Variants in CNTNAP2 observed in about 807,000 individuals in gnomAD.
CNTNAP2 encodes the protein contactin associated protein 2.
A neutral mutation model predicts 155.2 loss-of-function variants in CNTNAP2; 98 were observed. The observed-to-expected ratio is 0.63, with a 90% CI of 0.54 to 0.75. The LOEUF (loss-of-function observed/expected upper bound fraction) is 0.75. Ranked by LOEUF, CNTNAP2 falls within the 30% of genes least tolerant of loss-of-function variation. CNTNAP2 has a pLI of 0.00. For missense variants in CNTNAP2, 1,727 were observed against 1,688.1 expected, an observed-to-expected ratio of 1.02 and a Z score of -0.40; for synonymous variants, 651 against 631.2, an observed-to-expected ratio of 1.03 and a Z score of -0.47.
chr7:146,905,911 C>T (rs1796112320), intron 3 of CNTNAP2, among the ~76,000 whole-genome samples: 1 of 152,178 alleles, frequency 6.6e-6, no homozygotes, highest in African/African-American at 2.4e-5. Flanking sequence ...TAGGGAGTGC[C>T]AGACAGTGGG....
intron 12 of CNTNAP2, among the ~76,000 whole-genome samples, chr7:147,609,774 G>A (rs895182270): frequency 5.9e-5 from 9 of 152,084 alleles, no homozygotes; most frequent in Non-Finnish European, 1.3e-4. Context: ...CCTACAGGAG[G>A]ACATCACTGG....
intron 1 of CNTNAP2, among the ~76,000 whole-genome samples, chr7:146,438,792 T>C (rs1296879876): frequency 6.6e-6 from 1 of 151,554 alleles, no homozygotes; most frequent in African/African-American, 2.4e-5. Context: ...TGAGCTTTGG[T>C]TGATATCTCA....
At chr7:147,895,645 C>T (rs1419844008) in intron 13 of CNTNAP2, among the ~76,000 whole-genome samples, 1 of 152,054 alleles carries the variant, frequency 6.6e-6, no homozygotes, top group Admixed American at 6.5e-5. Flanking sequence ...ACTTTTTGCC[C>T]TTGTCTTTTA....
intron 1 of CNTNAP2, among the ~76,000 whole-genome samples, chr7:146,660,817 G>A (rs939828599): frequency 4.6e-5 from 7 of 152,050 alleles, no homozygotes; most frequent in Non-Finnish European, 8.8e-5. Flanking sequence ...AATAAGAATC[G>A]TTAACTTCAC....
chr7:146,939,174 A>G lies in CNTNAP2; in HGVS notation c.402+99270A>G, dbSNP rs555628508. Among the ~76,000 whole-genome samples, 6 of 152,174 alleles carry G rather than the reference A, an allele frequency of 3.9e-5. No homozygotes were observed. In the East Asian group the frequency reaches 9.7e-4, roughly 25 times the overall value. On this transcript the variant is annotated intron_variant, in intron 3 of 23. Coordinates refer to ENST00000361727, the MANE Select transcript of CNTNAP2 (RefSeq NM_014141.6). ...TCTACCCCCAAATGAGAAAAAATGC[A>G]TTTTTTCTTCTACTAGTAGCTCTAA...
chr7:148,096,513 T>C (rs977964238), intron 15 of CNTNAP2, among the ~76,000 whole-genome samples: 2 of 152,102 alleles, frequency 1.3e-5, no homozygotes, highest in African/African-American at 4.8e-5. Context: ...GAATCCCTTA[T>C]TAAAATAATT....
rs377253427 is a variant in CNTNAP2 at position 148,097,869 on chromosome 7, G to A, written c.2384-20249G>A. Among the ~76,000 whole-genome samples the A allele has an allele frequency of 3.2e-4, 49 of 152,194 alleles. 2 individuals carry two copies. In the South Asian group the frequency reaches 1.0e-2, roughly 31 times the overall value. On this transcript the variant is annotated intron_variant, in intron 15 of 23. Transcript: ENST00000361727. ...AAAAACAGAGCAAAGAACAAAATAG[G>A]CAAAGTGATTGTATATATCACTTTT...
intron 10 of CNTNAP2, among the ~76,000 whole-genome samples, chr7:147,460,526 T>C (rs564443229): frequency 6.6e-6 from 1 of 152,182 alleles, no homozygotes; most frequent in Non-Finnish European, 1.5e-5. Context: ...ATTGGTTTTG[T>C]TTTACCATCT....
intron 1 of CNTNAP2, among the ~76,000 whole-genome samples, chr7:146,491,631 G>A (rs1454593279): frequency 6.6e-6 from 1 of 152,066 alleles, no homozygotes; most frequent in Non-Finnish European, 1.5e-5. Flanking sequence ...TTTTTAGAGA[G>A]GATGCCAGGC....
chr7:148,396,419 CA>C, intron 22 of CNTNAP2, among the ~76,000 whole-genome samples: 1 of 152,180 alleles, frequency 6.6e-6, no homozygotes, highest in East Asian at 1.9e-4. Flanking sequence ...CAGAGGAGCA[CA>C]ACACCCTCTA....
intron 21 of CNTNAP2, among the ~76,000 whole-genome samples, chr7:148,286,598 TA>T (rs11424873): frequency 0.012 from 1,798 of 152,012 alleles, 27 homozygotes; most frequent in South Asian, 0.02. Flanking sequence ...TAAAACACGT[TA>T]AAAAAAATCT....
chr7:147,554,817 T>C (rs2116772343), intron 11 of CNTNAP2, among the ~76,000 whole-genome samples: 1 of 152,140 alleles, frequency 6.6e-6, no homozygotes, highest in South Asian at 2.1e-4. Flanking sequence ...GGAAATAATG[T>C]AGTTTACTCA....
chr7:147,903,407 C>T (rs1585019884), intron 13 of CNTNAP2, among the ~76,000 whole-genome samples, 158 bp from the exon 14 acceptor site: 1 of 152,162 alleles, frequency 6.6e-6, no homozygotes, highest in East Asian at 1.9e-4. Context: ...AAGATTTTCT[C>T]CCACTCTGTG....
At chr7:148,382,030 A>T (rs1021147374) in intron 21 of CNTNAP2, among the ~76,000 whole-genome samples, 11 of 152,260 alleles carry the variant, frequency 7.2e-5, no homozygotes, top group Admixed American at 2.0e-4. Flanking sequence ...AAGAAACAAC[A>T]GTTGAAACAC....
chr7:147,924,852 G>A (rs746585492), intron 14 of CNTNAP2, among the ~76,000 whole-genome samples: 17 of 151,888 alleles, frequency 1.1e-4, no homozygotes, highest in South Asian at 2.1e-4. Context: ...GTGTGGTGGC[G>A]CACACCTGTA....
At chr7:147,288,168 G>A (rs569697399) in intron 8 of CNTNAP2, among the ~76,000 whole-genome samples, 109 of 152,180 alleles carry the variant, frequency 7.2e-4, no homozygotes, top group Admixed American at 3.0e-3. Flanking sequence ...CCTCCTCAGA[G>A]CATTACCCTT....
intron 1 of CNTNAP2, among the ~76,000 whole-genome samples, chr7:146,151,919 T>A (rs2116778761): frequency 1.3e-5 from 2 of 151,150 alleles, no homozygotes; most frequent in East Asian, 4.0e-4. Flanking sequence ...CTGTTGGGAA[T>A]GTAAATTAGC....
At chr7:147,821,714 C>T (rs1798364110) in intron 13 of CNTNAP2, among the ~76,000 whole-genome samples, 1 of 151,922 alleles carries the variant, frequency 6.6e-6, no homozygotes, top group African/African-American at 2.4e-5. Flanking sequence ...TGAAGAGAAA[C>T]AGGAAAGAAG....
chr7:146,629,500 A>G (rs919280725), intron 1 of CNTNAP2, among the ~76,000 whole-genome samples: 3 of 152,146 alleles, frequency 2.0e-5, no homozygotes, highest in Non-Finnish European at 4.4e-5. Flanking sequence ...AATTTCAACA[A>G]TATTTGTTAT....
Sources: allele counts gnomAD v4.1 joint callset (sites outside exome capture counted in the v4.1 genomes callset), GRCh38; gene constraint gnomAD v4.1.1; transcripts MANE v1.5; gene names NCBI Gene and HGNC (gene_info 2026-07-23, HGNC 2026-07-21).